CDH13: variants seen among roughly 807,000 people sequenced by gnomAD.
CDH13 encodes cadherin 13.
A neutral mutation model predicts 63.8 loss-of-function variants in CDH13; 24 were observed. The observed-to-expected ratio is 0.38, with a 90% confidence interval of 0.27 to 0.53. The LOEUF is 0.53. Among genes scored for constraint, CDH13 ranks in the 20% least tolerant of loss-of-function variants. The pLI is 0.85. For missense variants in CDH13, 1,049 were observed against 903.1 expected (o/e 1.16, Z -2.07); for synonymous variants, 503 against 355.3 (o/e 1.42, Z -4.67).
intron 7 of CDH13, among the ~76,000 whole-genome samples, chr16:83,587,133 G>A (rs1337458230): frequency 1.3e-5 from 2 of 152,080 alleles, no homozygotes; most frequent in East Asian, 1.9e-4. Flanking sequence ...AAGAGACCAC[G>A]GAAAATGCTG....
At chr16:83,100,587 A>C (rs928651113) in intron 3 of CDH13, among the ~76,000 whole-genome samples, 1 of 152,214 alleles carries the variant, frequency 6.6e-6, no homozygotes, top group Non-Finnish European at 1.5e-5. Flanking sequence ...TGTAGTCCTC[A>C]TCACCATTTC....
At chr16:83,515,504 A>T (rs2151610923) in intron 7 of CDH13, among the ~76,000 whole-genome samples, 1 of 152,328 alleles carries the variant, frequency 6.6e-6, no homozygotes, top group Non-Finnish European at 1.5e-5. Context: ...GAAACTTTAT[A>T]TCATGCTGTA....
intron 7 of CDH13, among the ~76,000 whole-genome samples, chr16:83,558,541 T>C (rs573516790): frequency 6.6e-6 from 1 of 152,342 alleles, no homozygotes; most frequent in South Asian, 2.1e-4. Context: ...ACCACAGGTC[T>C]TGGGCACCTT....
chr16:83,310,006 C>G (rs975410917), intron 5 of CDH13, among the ~76,000 whole-genome samples: 1 of 152,052 alleles, frequency 6.6e-6, no homozygotes, highest in Non-Finnish European at 1.5e-5. Context: ...AAAAGTTCCG[C>G]ACAATATCAA....
chr16:82,783,382 T>C (rs2035856847), intron 1 of CDH13, among the ~76,000 whole-genome samples: 1 of 152,198 alleles, frequency 6.6e-6, no homozygotes. Context: ...TGCATCATCA[T>C]TAACTCAGCT....
chr16:82,846,094 G>A (rs1160211260), intron 1 of CDH13, among the ~76,000 whole-genome samples: 2 of 152,186 alleles, frequency 1.3e-5, no homozygotes, highest in Non-Finnish European at 2.9e-5. Flanking sequence ...ACAACCCAGA[G>A]TTTATTTCTG....
intron 5 of CDH13, among the ~76,000 whole-genome samples, chr16:83,342,418 A>G (rs2090745635): frequency 6.6e-6 from 1 of 152,222 alleles, no homozygotes; most frequent in African/African-American, 2.4e-5. Flanking sequence ...TTTTTATTAA[A>G]TTAACTTTAA....
chr16:83,172,507 T>C (rs76323964), intron 4 of CDH13, among the ~76,000 whole-genome samples: 9,490 of 151,242 alleles, frequency 0.063, 530 homozygotes, highest in African/African-American at 0.14. Context: ...AAAAAAAAGC[T>C]AAAAACACAA....
intron 5 of CDH13, among the ~76,000 whole-genome samples, chr16:83,289,746 T>C (rs903334205): frequency 1.5e-4 from 23 of 152,194 alleles, no homozygotes; most frequent in Non-Finnish European, 3.1e-4. Context: ...TTTTCTCACT[T>C]TGAAATGGGG....
In CDH13 at chr16:83,180,815, G is replaced by A. The variant is rs2038321422; in HGVS notation, c.484-36530G>A. 15 of 1,221,862 alleles carry A rather than the reference G, an allele frequency of 1.2e-5. No homozygotes were observed. In the South Asian group the frequency reaches 1.7e-4, roughly 14 times the overall value. The allele number at this position is 1,221,862 out of a possible 1,614,324, so 75.7% of individuals were successfully genotyped here. ...TCCATGATGCTGTAGTCATTTGTTGGCTTGTTTATTTTAATCCCCAATTTA... is the reference window on the plus strand; with the variant it reads ...TCCATGATGCTGTAGTCATTTGTTGACTTGTTTATTTTAATCCCCAATTTA... On this transcript the variant is annotated intron_variant, in intron 4 of 13. Coordinates refer to ENST00000567109, the MANE Select transcript of CDH13 (RefSeq NM_001257.5).
chr16:83,713,501 C>T (rs1337985162), intron 10 of CDH13, among the ~76,000 whole-genome samples: 1 of 148,388 alleles, frequency 6.7e-6, no homozygotes. Context: ...CTCAACTTTT[C>T]TCGTCACCAA....
intron 1 of CDH13, among the ~76,000 whole-genome samples, chr16:82,833,729 G>C (rs759061957): frequency 1.3e-5 from 2 of 152,090 alleles, no homozygotes; most frequent in Non-Finnish European, 2.9e-5. Flanking sequence ...GAATTCTCAG[G>C]GGACACTTAA....
intron 1 of CDH13, among the ~76,000 whole-genome samples, chr16:82,774,933 C>T (rs765139650): frequency 3.9e-5 from 6 of 152,258 alleles, no homozygotes; most frequent in Non-Finnish European, 2.9e-5. Context: ...AGAATCTTGG[C>T]GGTTAAATGC....
chr16:83,065,678 C>G (rs1193989697), intron 3 of CDH13, among the ~76,000 whole-genome samples: 1 of 147,396 alleles, frequency 6.8e-6, no homozygotes. Context: ...GCATTCTAGC[C>G]TGGGTGACAG....
At chr16:83,468,219 C>A (rs546834296) in intron 6 of CDH13, among the ~76,000 whole-genome samples, 2 of 152,234 alleles carry the variant, frequency 1.3e-5, no homozygotes, top group African/African-American at 4.8e-5. Context: ...TGTGGATTAT[C>A]CAGGTGGGCC....
At chr16:82,807,190 A>C (rs1261400370) in intron 1 of CDH13, among the ~76,000 whole-genome samples, 1 of 152,148 alleles carries the variant, frequency 6.6e-6, no homozygotes, top group Non-Finnish European at 1.5e-5. Context: ...TCATATAAAA[A>C]TGCAATGCAG....
At chr16:83,243,615 TG>T (rs903387150) in intron 5 of CDH13, among the ~76,000 whole-genome samples, 14 of 152,192 alleles carry the variant, frequency 9.2e-5, no homozygotes, top group African/African-American at 3.1e-4. Flanking sequence ...TGGCAATTTT[TG>T]TTCCTCTTGG....
intron 13 of CDH13, among the ~76,000 whole-genome samples, chr16:83,784,798 T>A (rs2151013571): frequency 6.6e-6 from 1 of 152,230 alleles, no homozygotes; most frequent in Middle Eastern, 3.4e-3. Context: ...ATCATCTCCA[T>A]GTCTCCTTCC....
At chr16:82,860,316 C>G (rs1400402826) in intron 2 of CDH13, among the ~76,000 whole-genome samples, 1 of 135,280 alleles carries the variant, frequency 7.4e-6, no homozygotes, top group Non-Finnish European at 1.5e-5. Flanking sequence ...AACAATCATA[C>G]TTTGGGGGGA....
Sources: gnomAD v4.1 joint callset for allele counts (sites outside exome capture counted in the v4.1 genomes callset) on GRCh38, gnomAD v4.1.1 for gene constraint, MANE v1.5 for transcripts, NCBI Gene and HGNC (gene_info 2026-07-23, HGNC 2026-07-21) for gene names.